The following C12orf42 variants were observed in gnomAD, a reference collection of about 807,000 sequenced individuals.
C12orf42 encodes chromosome 12 open reading frame 42.
In C12orf42, 25 loss-of-function variants were observed where a neutral mutation model predicts 21.6. That is an observed-to-expected ratio of 1.16 (90% confidence interval 0.84 to 1.62). The LOEUF is 1.62. C12orf42 is among the 40% of genes most tolerant of loss of function. The probability of loss-of-function intolerance (pLI) is 0.00; values close to 1 mark genes in which losing one functional copy is unlikely to be tolerated. For synonymous variants in C12orf42, 174 were observed against 175.0 expected (o/e 0.99, Z 0.05); for missense variants, 483 against 459.3 (o/e 1.05, Z -0.47).
At chr12:103,344,655 T>C (rs1244246240) in intron 4 of C12orf42, among the ~76,000 whole-genome samples, 1 of 152,056 alleles carries the variant, frequency 6.6e-6, no homozygotes, top group African/African-American at 2.4e-5. Context: ...AAATCTGAAA[T>C]TGAGGCACAG....
chr12:103,368,317 T>TCTCTCACACACA (rs1555271889), intron 4 of C12orf42, among the ~76,000 whole-genome samples: 19 of 146,622 alleles, frequency 1.3e-4, no homozygotes, highest in Middle Eastern at 3.5e-3. Flanking sequence ...TCTCTCTCTC[T>TCTCTCACACACA]CACACACACA....
intron 2 of C12orf42, among the ~76,000 whole-genome samples, chr12:103,417,178 A>G (rs759933954): frequency 1.7e-4 from 26 of 152,190 alleles, no homozygotes; most frequent in Non-Finnish European, 3.1e-4. Flanking sequence ...TCTGAAATAC[A>G]AACAATACTT....
the C12orf42 span, among the ~76,000 whole-genome samples, chr12:103,088,680 G>A: frequency 6.6e-6 from 1 of 152,180 alleles, no homozygotes; most frequent in Non-Finnish European, 1.5e-5. Context: ...CAATGATAAA[G>A]TGTGACCTCT....
chr12:103,048,898 T>C, the C12orf42 span, among the ~76,000 whole-genome samples: 1 of 152,162 alleles, frequency 6.6e-6, no homozygotes, highest in Non-Finnish European at 1.5e-5. Context: ...TTCATATGGC[T>C]CTGCACATAT....
the C12orf42 span, among the ~76,000 whole-genome samples, chr12:103,192,212 C>T: frequency 3.3e-5 from 5 of 152,038 alleles, no homozygotes; most frequent in Non-Finnish European, 7.4e-5. Context: ...AAGAAACCAA[C>T]TTTAGATTTA....
chr12:103,375,311 G>C (rs1001919527), intron 3 of C12orf42, among the ~76,000 whole-genome samples: 2 of 152,146 alleles, frequency 1.3e-5, no homozygotes, highest in African/African-American at 4.8e-5. Context: ...AGAATCTTCA[G>C]CTCTAGATGT....
At chr12:103,050,555 A>G in the C12orf42 span, among the ~76,000 whole-genome samples, 4 of 152,228 alleles carry the variant, frequency 2.6e-5, no homozygotes, top group East Asian at 5.8e-4. Context: ...GTGGCTTTAT[A>G]TAAGAGATAA....
At chr12:103,275,740 AT>A (rs202030025) in intron 5 of C12orf42, among the ~76,000 whole-genome samples, 1,658 of 139,654 alleles carry the variant, frequency 0.012, 10 homozygotes, top group Non-Finnish European at 0.016. Context: ...ATCAAGTAGG[AT>A]TTTTTTTTTT....
chr12:103,316,916 T>G (rs576381654), intron 4 of C12orf42, among the ~76,000 whole-genome samples: 8 of 152,358 alleles, frequency 5.3e-5, no homozygotes, highest in Admixed American at 2.0e-4. Flanking sequence ...CACCTCTGTC[T>G]TCTTCTGCAG....
At chr12:103,136,783 G>T in the C12orf42 span, among the ~76,000 whole-genome samples, 1 of 152,188 alleles carries the variant, frequency 6.6e-6, no homozygotes, top group Non-Finnish European at 1.5e-5. Context: ...ATTGGGGAAA[G>T]GACACCCTCT....
chr12:103,151,295 C>T, the C12orf42 span, among the ~76,000 whole-genome samples: 1 of 152,010 alleles, frequency 6.6e-6, no homozygotes, highest in Non-Finnish European at 1.5e-5. Context: ...AATTAATTCA[C>T]ACATTTAAGA....
intron 2 of C12orf42, among the ~76,000 whole-genome samples, chr12:103,459,923 C>T (rs1347046037): frequency 6.6e-6 from 1 of 152,120 alleles, no homozygotes; most frequent in Admixed American, 6.5e-5. Flanking sequence ...TTCTCCATAC[C>T]TCTACTGCAA....
the C12orf42 span, among the ~76,000 whole-genome samples, chr12:103,546,231 CT>C: frequency 2.0e-5 from 3 of 152,186 alleles, no homozygotes; most frequent in Admixed American, 2.0e-4. Context: ...TCAATACTAA[CT>C]TCTTTAAGTG....
At chr12:103,191,066 C>G in the C12orf42 span, among the ~76,000 whole-genome samples, 1 of 152,148 alleles carries the variant, frequency 6.6e-6, no homozygotes, top group Non-Finnish European at 1.5e-5. Context: ...GTAGATTTCT[C>G]AGTAGAAAAC....
the C12orf42 span, among the ~76,000 whole-genome samples, chr12:103,526,301 G>T: frequency 0.21 from 32,444 of 152,132 alleles, 3,865 homozygotes; most frequent in Non-Finnish European, 0.27. Context: ...TACTCTGGTT[G>T]TCAGAAACCA....
chr12:103,250,062 T>TCTAG (rs930416659), intron 10 of C12orf42, among the ~76,000 whole-genome samples: 2 of 120,210 alleles, frequency 1.7e-5, no homozygotes, highest in African/African-American at 8.5e-5. Context: ...AAGACATCTA[T>TCTAG]CTATCTATCT....
At chr12:103,384,081 GTGT>G (rs1351305362) in intron 3 of C12orf42, among the ~76,000 whole-genome samples, 1 of 152,192 alleles carries the variant, frequency 6.6e-6, no homozygotes, top group Non-Finnish European at 1.5e-5. Flanking sequence ...ACTATTCAAA[GTGT>G]TGTTATTTGT....
At chr12:103,052,161 G>T in the C12orf42 span, among the ~76,000 whole-genome samples, 206 of 152,168 alleles carry the variant, frequency 1.4e-3, no homozygotes, top group Non-Finnish European at 2.4e-3. Flanking sequence ...AACATTTTCT[G>T]TGTCTTTTTC....
intron 4 of C12orf42, among the ~76,000 whole-genome samples, chr12:103,344,151 T>C (rs997762744): frequency 2.0e-5 from 3 of 152,204 alleles, no homozygotes; most frequent in African/African-American, 7.2e-5. Context: ...TTTTAGCTGT[T>C]TTCATTGTTG....
Sources: gnomAD v4.1 joint callset for allele counts (sites outside exome capture counted in the v4.1 genomes callset) on GRCh38, gnomAD v4.1.1 for gene constraint, MANE v1.5 for transcripts, NCBI Gene and HGNC (gene_info 2026-07-23, HGNC 2026-07-21) for gene names.